Variants in FAM110B observed in about 807,000 individuals in gnomAD.
FAM110B encodes protein FAM110B.
In FAM110B, 6 loss-of-function variants were observed where a neutral mutation model predicts 20.4. The ratio of observed to expected loss-of-function variants is 0.29; its 90% confidence interval spans 0.16 to 0.58. The LOEUF is 0.58. FAM110B is among the 20% of genes least tolerant of loss of function. The pLI, the probability that FAM110B is intolerant of heterozygous loss-of-function variation, is 0.90. For synonymous variants in FAM110B, 226 were observed against 214.1 expected (o/e 1.06, Z -0.49); for missense variants, 434 against 498.2 (o/e 0.87, Z 1.23).
At chr8:58,062,324 A>G (rs1805673773) in intron 2 of FAM110B, among the ~76,000 whole-genome samples, 1 of 152,232 alleles carries the variant, frequency 6.6e-6, no homozygotes, top group Non-Finnish European at 1.5e-5. Flanking sequence ...ATCGTTTTCA[A>G]CAGAAGAAAA....
intron 3 of FAM110B, among the ~76,000 whole-genome samples, chr8:58,120,696 T>G (rs1053810469): frequency 1.3e-5 from 2 of 152,218 alleles, no homozygotes; most frequent in Non-Finnish European, 2.9e-5. Flanking sequence ...GGTTTTGATT[T>G]ATTACCCAAG....
chr8:58,115,471 G>C (rs920842595), intron 3 of FAM110B, among the ~76,000 whole-genome samples: 2 of 151,842 alleles, frequency 1.3e-5, no homozygotes, highest in Admixed American at 6.5e-5. Context: ...TCGGCTCACT[G>C]CAACCTCCTC....
At chr8:58,092,319 A>T (rs1478198289) in intron 3 of FAM110B, among the ~76,000 whole-genome samples, 1 of 152,084 alleles carries the variant, frequency 6.6e-6, no homozygotes, top group Non-Finnish European at 1.5e-5. Flanking sequence ...ATAGGTACAC[A>T]TGTGCCATGG....
chr8:58,103,945 C>T (rs1339635993), intron 3 of FAM110B, among the ~76,000 whole-genome samples: 2 of 152,220 alleles, frequency 1.3e-5, no homozygotes, highest in Admixed American at 1.3e-4. Context: ...CTCTGTCATT[C>T]TTTCATTCAC....
chr8:58,072,844 T>C (rs1805937180), intron 2 of FAM110B, among the ~76,000 whole-genome samples: 2 of 152,242 alleles, frequency 1.3e-5, no homozygotes, highest in Non-Finnish European at 2.9e-5. Context: ...AAAAATATGA[T>C]GTGCCGCAAA....
At chr8:58,139,727 A>C (rs1803698074) in intron 3 of FAM110B, among the ~76,000 whole-genome samples, 1 of 152,178 alleles carries the variant, frequency 6.6e-6, no homozygotes, top group African/African-American at 2.4e-5. Context: ...GGAGATCGAG[A>C]CCATCCTGGC....
chr8:58,138,797 C>T (rs1803679680), intron 3 of FAM110B, among the ~76,000 whole-genome samples: 1 of 152,256 alleles, frequency 6.6e-6, no homozygotes, highest in Non-Finnish European at 1.5e-5. Context: ...GTTTGATCAA[C>T]ACGCCTGTGT....
intron 3 of FAM110B, among the ~76,000 whole-genome samples, chr8:58,106,004 T>A (rs892606904): frequency 1.3e-5 from 2 of 152,244 alleles, no homozygotes; most frequent in Non-Finnish European, 2.9e-5. Flanking sequence ...TATAAATAAA[T>A]ACACTGTTGT....
rs1383810036 is a variant in FAM110B, at chr8:58,148,547, G to T, written c.*1204G>T. On this transcript the variant is annotated 3_prime_UTR_variant, in exon 4 of 4. Coordinates refer to ENST00000519262, the MANE Select transcript of FAM110B (RefSeq NM_001377989.1). ...AATAACCTGTCTTCCAGGTGGTACAGTTAGCTGTCACTCAGCTGACACCAT... is the reference window on the plus strand; with the variant it reads ...AATAACCTGTCTTCCAGGTGGTACATTTAGCTGTCACTCAGCTGACACCAT... 3 of 167,054 alleles carry T rather than the reference G, an allele frequency of 1.8e-5. No homozygotes were observed. The highest frequency in any genetic ancestry group is 7.2e-5 in the African/African-American group (3 of 41,438). 10.3% of individuals were successfully genotyped at this position (167,054 alleles called of 1,614,324 possible). A position where few individuals can be genotyped will look rare whatever the true frequency, so the allele number is the denominator to read the frequency against.
chr8:58,028,867 C>T (rs1380579713), intron 1 of FAM110B, among the ~76,000 whole-genome samples: 2 of 152,160 alleles, frequency 1.3e-5, no homozygotes, highest in South Asian at 2.1e-4. Flanking sequence ...CCAGGAAAAC[C>T]GCATGTGGAT....
At chr8:58,071,583 A>G (rs74396199) in intron 2 of FAM110B, among the ~76,000 whole-genome samples, 1 of 152,320 alleles carries the variant, frequency 6.6e-6, no homozygotes, top group African/African-American at 2.4e-5. Flanking sequence ...TGACAGAGTA[A>G]ACTTCCGAGT....
In FAM110B at chr8:58,075,275, T is replaced by TGTGTGTGTGTGTGTGTG. The variant is rs1554521069; in HGVS notation, c.-413-260_-413-259insGTGTGTGTGTGTGTGTG. Among the ~76,000 whole-genome samples, 946 of 141,622 alleles carry TGTGTGTGTGTGTGTGTG rather than the reference T, an allele frequency of 6.7e-3. 11 individuals are homozygous for TGTGTGTGTGTGTGTGTG. Among genetic ancestry groups the TGTGTGTGTGTGTGTGTG allele is most frequent in the African/African-American group, 0.026 (915 of 35,064 alleles). The allele number at this position is 141,622 out of a possible 152,430, so 92.9% of individuals were successfully genotyped here. A position where few individuals can be genotyped will look rare whatever the true frequency, so the allele number is the denominator to read the frequency against. ...AACTAATTTTTGCTTTTTTTTTTTT[T>TGTGTGTGTGTGTGTGTG]TGTGTGTGTGTGTGTGTGTGTTTTG... On this transcript the variant is annotated intron_variant, in intron 2 of 3. Transcript: ENST00000519262.
rs139321534 is a variant in FAM110B, at chr8:58,106,832, A to C, written c.-325+31209A>C. On this transcript the variant is annotated intron_variant, in intron 3 of 3. Coordinates refer to ENST00000519262, the MANE Select transcript of FAM110B (RefSeq NM_001377989.1). Reference sequence around the variant, plus strand: ...TTCAGACTACTCCTGATACATTTTTAAAACTGAAAGACTGAAAGTCTAAAA... The same window carrying C: ...TTCAGACTACTCCTGATACATTTTTCAAACTGAAAGACTGAAAGTCTAAAA... Among the ~76,000 whole-genome samples, 464 of 152,346 alleles carry C rather than the reference A, an allele frequency of 3.0e-3. 2 individuals are homozygous for C. Among genetic ancestry groups the C allele is most frequent in the African/African-American group, 0.011 (452 of 41,572 alleles).
chr8:58,076,836 T>C (rs969945422), intron 3 of FAM110B, among the ~76,000 whole-genome samples: 4 of 152,168 alleles, frequency 2.6e-5, no homozygotes, highest in African/African-American at 7.2e-5. Context: ...TTGACAGCCT[T>C]CCTCTAGCTT....
intron 1 of FAM110B, among the ~76,000 whole-genome samples, chr8:58,007,225 C>A (rs1804430184): frequency 6.6e-6 from 1 of 152,080 alleles, no homozygotes; most frequent in South Asian, 2.1e-4. Flanking sequence ...CAGAAGTGAA[C>A]TGCCCTCACA....
At chr8:58,116,918 A>G (rs1807228868) in intron 3 of FAM110B, among the ~76,000 whole-genome samples, 1 of 152,238 alleles carries the variant, frequency 6.6e-6, no homozygotes, top group African/African-American at 2.4e-5. Context: ...AAACCATTTC[A>G]AGCTTCTTAA....
chr8:58,052,967 A>G, intron 2 of FAM110B, among the ~76,000 whole-genome samples: 1 of 149,650 alleles, frequency 6.7e-6, no homozygotes, highest in East Asian at 1.9e-4. Flanking sequence ...TTGTATTTTT[A>G]GTAGAGACGG....
intron 3 of FAM110B, among the ~76,000 whole-genome samples, chr8:58,086,379 T>A (rs1253247941): frequency 6.6e-6 from 1 of 152,228 alleles, no homozygotes; most frequent in Non-Finnish European, 1.5e-5. Context: ...CAATTTTGAA[T>A]TTCTTATTAT....
intron 3 of FAM110B, among the ~76,000 whole-genome samples, chr8:58,086,783 A>C (rs1244498803): frequency 2.6e-5 from 4 of 152,208 alleles, no homozygotes; most frequent in Non-Finnish European, 5.9e-5. Flanking sequence ...ATTTCAATAG[A>C]GGTATATTTC....
Sources: allele counts gnomAD v4.1 joint callset (sites outside exome capture counted in the v4.1 genomes callset), GRCh38; gene constraint gnomAD v4.1.1; transcripts MANE v1.5; gene names NCBI Gene and HGNC (gene_info 2026-07-23, HGNC 2026-07-21).